The following ERLIN1 variants were observed in gnomAD, a reference collection of about 807,000 sequenced individuals.
ERLIN1 encodes the protein erlin-1.
Under a neutral mutation model 46.9 loss-of-function variants are expected in ERLIN1, and 24 were observed. The observed-to-expected ratio is 0.51, with a 90% confidence interval of 0.37 to 0.72. The LOEUF (loss-of-function observed/expected upper bound fraction) is 0.72. ERLIN1 is among the 30% of genes least tolerant of loss of function. ERLIN1 has a pLI of 0.00. For missense variants in ERLIN1, 293 were observed against 417.9 expected (o/e 0.70, Z 2.61); for synonymous variants, 158 against 143.2 (o/e 1.10, Z -0.74).
At position 100,152,294 on chromosome 10, in the gene ERLIN1, CT is replaced by C; in HGVS notation, c.883del (p.Ser295ValfsTer20). 1 of 1,613,670 alleles carries C rather than the reference CT, an allele frequency of 6.2e-7. No individual in the cohort carries two copies. The highest frequency in any genetic ancestry group is 8.5e-7 in the Non-Finnish European group (1 of 1,179,580). ...LKKYQAIASN[S>X]KIYFGSNIPN... ...GATGTTGCTGCCAAAATAGATCTTACTGTTAGAAGCAATGGCCTGGTACTTT... is the reference window on the plus strand; with the variant it reads ...GATGTTGCTGCCAAAATAGATCTTACGTTAGAAGCAATGGCCTGGTACTTT... On this transcript the variant is annotated frameshift_variant, in exon 11 of 11. Transcript: ENST00000421367. LOFTEE classifies it high-confidence loss of function.
intron 8 of ERLIN1, among the ~76,000 whole-genome samples, chr10:100,162,140 C>T (rs1843392851): frequency 6.6e-6 from 1 of 151,896 alleles, no homozygotes; most frequent in African/African-American, 2.4e-5. Context: ...GTTGGAAATG[C>T]ATAAATCTGA....
In ERLIN1 at chr10:100,167,334, T is replaced by G. The variant is rs1202533573; in HGVS notation, c.563+14A>C. The G allele has an allele frequency of 1.3e-6, 2 of 1,590,644 alleles. No individual in the cohort carries two copies. Among genetic ancestry groups the G allele is most frequent in the Non-Finnish European group, 1.7e-6 (2 of 1,158,824 alleles). On this transcript the variant is annotated intron_variant, in intron 7 of 10. Coordinates refer to ENST00000421367, the MANE Select transcript of ERLIN1 (RefSeq NM_006459.4). ...CCTAAACAGAAATATTGGGATCCCATGCATATTACTCACATTAACTCAAAA... is the reference window on the plus strand; with the variant it reads ...CCTAAACAGAAATATTGGGATCCCAGGCATATTACTCACATTAACTCAAAA...
chr10:100,173,314 C>T (rs1033671261), intron 6 of ERLIN1, among the ~76,000 whole-genome samples: 1 of 152,192 alleles, frequency 6.6e-6, no homozygotes, highest in Non-Finnish European at 1.5e-5. Flanking sequence ...CTTAGGTCAT[C>T]TGGATCCAGA....
chr10:100,155,441 C>T (rs1328353885), intron 9 of ERLIN1, among the ~76,000 whole-genome samples: 3 of 151,126 alleles, frequency 2.0e-5, no homozygotes, highest in African/African-American at 7.4e-5. Flanking sequence ...AACTGTTTTT[C>T]CCCCCAATTA....
chr10:100,163,466 TATTTA>T (rs1027920167), intron 8 of ERLIN1, among the ~76,000 whole-genome samples: 36 of 152,180 alleles, frequency 2.4e-4, no homozygotes, highest in African/African-American at 7.7e-4. Context: ...ATAATTGAAT[TATTTA>T]ATTAAAGATG....
chr10:100,158,536 A>C (rs1298678540), intron 8 of ERLIN1, among the ~76,000 whole-genome samples: 1 of 152,082 alleles, frequency 6.6e-6, no homozygotes, highest in Non-Finnish European at 1.5e-5. Context: ...TCTTCACTGA[A>C]AAAAAAATTA....
chr10:100,161,294 C>A (rs567090563), intron 8 of ERLIN1, among the ~76,000 whole-genome samples: 1 of 151,996 alleles, frequency 6.6e-6, no homozygotes, highest in African/African-American at 2.4e-5. Context: ...ATAAAAAAAT[C>A]AACAGCATAC....
chr10:100,161,330 G>A (rs891184863), intron 8 of ERLIN1, among the ~76,000 whole-genome samples: 1 of 152,008 alleles, frequency 6.6e-6, no homozygotes, highest in Admixed American at 6.5e-5. Context: ...TAGAAAATGT[G>A]CCTTTAAAAA....
chr10:100,185,660 C>T lies in ERLIN1; in HGVS notation c.-34G>A, dbSNP rs758352960. 6.6e-5 allele frequency: 103 copies of T among 1,564,006 alleles called. No individual in the cohort carries two copies. Among genetic ancestry groups the T allele is most frequent in the Non-Finnish European group, 8.9e-5 (101 of 1,134,638 alleles). ...CTCCTGGGAGCGGGAGAAAAGGACC[C>T]TCAGTCCCGTGAGTGACAGGTCCAC... On this transcript the variant is annotated 5_prime_UTR_variant, in exon 1 of 11. Transcript: ENST00000421367.
chr10:100,152,646 T>C (rs1777766710), intron 10 of ERLIN1, among the ~76,000 whole-genome samples: 1 of 152,240 alleles, frequency 6.6e-6, no homozygotes, highest in Non-Finnish European at 1.5e-5. Context: ...AACTAATATT[T>C]CTAAAGTGAC....
chr10:100,163,650 G>C (rs1340886767), intron 8 of ERLIN1, among the ~76,000 whole-genome samples: 6 of 152,096 alleles, frequency 3.9e-5, no homozygotes, highest in African/African-American at 1.4e-4. Context: ...CAACAACAAG[G>C]ATGCATACTA....
At chr10:100,166,368 C>T (rs1843640048) in intron 7 of ERLIN1, among the ~76,000 whole-genome samples, 2 of 151,308 alleles carry the variant, frequency 1.3e-5, no homozygotes, top group African/African-American at 2.4e-5. Context: ...GTTGAGACTG[C>T]AGTGAGCCGT....
At chr10:100,171,502 T>G (rs1000424640) in intron 6 of ERLIN1, among the ~76,000 whole-genome samples, 1 of 152,110 alleles carries the variant, frequency 6.6e-6, no homozygotes, top group Non-Finnish European at 1.5e-5. Context: ...ACCTGCTGTG[T>G]TCAAGTCATC....
intron 2 of ERLIN1, among the ~76,000 whole-genome samples, chr10:100,182,218 C>T (rs893505897): frequency 6.5e-5 from 9 of 138,830 alleles, no homozygotes; most frequent in African/African-American, 1.1e-4. Context: ...TTTTAAGAGA[C>T]GGAGTTTCCC....
intron 2 of ERLIN1, among the ~76,000 whole-genome samples, chr10:100,179,877 C>T (rs1053048371): frequency 1.3e-5 from 2 of 152,200 alleles, no homozygotes; most frequent in Non-Finnish European, 2.9e-5. Flanking sequence ...GTAAACAACA[C>T]AGCTTGCTCA....
chr10:100,155,023 G>A (rs1276203555), intron 9 of ERLIN1, 84 bp from the exon 10 acceptor site: 13 of 1,124,820 alleles, frequency 1.2e-5, no homozygotes, highest in Non-Finnish European at 1.4e-5. Flanking sequence ...TATTGTGACT[G>A]CTTATTTCAC....
chr10:100,178,182 C>T lies in ERLIN1; in HGVS notation c.255G>A (p.Met85Ile), dbSNP rs866505538. The change falls in exon 4 of 11, where the codon ATG (methionine) becomes ATA (isoleucine). Residue 85 changes from methionine to isoleucine, a missense_variant. Met to Ile is a conservative substitution (Grantham distance 10). Around this residue, in one of 3 missense-constraint regions of ERLIN1, gnomAD observed 148 missense variants for 266.5 expected, o/e 0.56. Transcript: ENST00000421367. ...CCACTTCTATTCGGTCAATATAGAT[C>T]ATGACCCCACCACTAAAAACAAAGA... is the stretch of plus-strand genomic sequence containing the variant. ...NVPCGTSGGVMIYIDRIEVVN... is the reference protein window; with the variant it reads ...NVPCGTSGGVIIYIDRIEVVN... 1 of 1,572,262 alleles carries T rather than the reference C, an allele frequency of 6.4e-7. No individual in the cohort carries two copies. The highest frequency in any genetic ancestry group is 2.3e-5 in the East Asian group (1 of 43,204).
At chr10:100,175,321 G>A (rs1235840382) in intron 5 of ERLIN1, among the ~76,000 whole-genome samples, 3 of 152,174 alleles carry the variant, frequency 2.0e-5, no homozygotes, top group Non-Finnish European at 4.4e-5. Context: ...CCAAACACCT[G>A]CATTCCTTCC....
At position 100,151,864 on chromosome 10, in the gene ERLIN1, T is replaced by C. The variant is rs1262968044; in HGVS notation, c.*267A>G. On this transcript the variant is annotated 3_prime_UTR_variant, in exon 11 of 11. Transcript: ENST00000421367. ...GTTTAACATTCCAGTGCAGGCAGTA[T>C]CTTAGCATCAGACTTTCCTCATTCA... 1.0e-5 allele frequency: 5 copies of C among 496,952 alleles called. No homozygotes were observed. The highest frequency in any genetic ancestry group is 1.8e-5 in the Non-Finnish European group (5 of 270,928). The allele number at this position is 496,952 out of a possible 1,614,324, so 30.8% of individuals were successfully genotyped here. A position where few individuals can be genotyped will look rare whatever the true frequency, so the allele number is the denominator to read the frequency against.
Sources: gnomAD v4.1 joint callset for allele counts (sites outside exome capture counted in the v4.1 genomes callset) on GRCh38, gnomAD v4.1.1 for gene constraint, gnomAD v4.1.1 regional missense constraint, MANE v1.5 for transcripts, NCBI Gene and HGNC (gene_info 2026-07-23, HGNC 2026-07-21) for gene names.